The following LHX8 variants were observed in gnomAD, a reference collection of about 807,000 sequenced individuals.
LHX8 encodes LIM/homeobox protein Lhx8.
Under a neutral mutation model 40.3 loss-of-function variants are expected in LHX8, and 12 were observed. That is an observed-to-expected ratio of 0.30 (90% CI 0.19 to 0.48). LHX8 has a LOEUF of 0.48. Ranked by LOEUF, LHX8 falls within the 20% of genes least tolerant of loss-of-function variation. The pLI, the probability that LHX8 is intolerant of heterozygous loss-of-function variation, is 0.99. For missense variants in LHX8, 344 were observed against 433.7 expected (o/e 0.79, Z 1.84); for synonymous variants, 179 against 162.0 (o/e 1.10, Z -0.80).
At position 75,160,820 on chromosome 1, in the gene LHX8, T is replaced by C; in HGVS notation, c.966T>C (p.Ala322=). 6.2e-7 allele frequency: 1 copy of C among 1,609,502 alleles called. No individual in the cohort carries two copies. The highest frequency in any genetic ancestry group is 2.2e-5 in the East Asian group (1 of 44,826). Residue 322 remains alanine, a splice_region_variant and synonymous_variant, in exon 9 of 9, where the codon GCT becomes GCC. Coordinates refer to ENST00000356261, the MANE Select transcript of LHX8 (RefSeq NM_001256114.2). ...MLTALHSYMD[A]HSPTTLGLQP... ...CACAAATTTCTTTCTATTTTGTAGC[T>C]CATTCACCAACAACTCTTGGACTCC...
rs778887914 is a variant in LHX8 at position 75,160,883 on chromosome 1, A to T, written c.1029A>T (p.Ile343=). The change falls in exon 9 of 9, where the codon ATA becomes ATT. Residue 343 remains isoleucine, a synonymous_variant. Transcript: ENST00000356261. ...LLPHSMTQLP[I]SHT is the part of the protein sequence containing the mutation. ...CCCATTCAATGACACAACTGCCAATAAGTCATACCTAATTCTTTTTTCAGG... is the reference window on the plus strand; with the variant it reads ...CCCATTCAATGACACAACTGCCAATTAGTCATACCTAATTCTTTTTTCAGG... 1 of 1,611,080 alleles carries T rather than the reference A, an allele frequency of 6.2e-7. No individual in the cohort carries two copies. Among genetic ancestry groups the T allele is most frequent in the East Asian group, 2.2e-5 (1 of 44,836 alleles).
chr1:75,132,717 A>G (rs1010643687), upstream of LHX8: 1 of 151,624 alleles, frequency 6.6e-6, no homozygotes, highest in African/African-American at 2.4e-5. Flanking sequence ...ATTCTCCTCG[A>G]TAGTAGCCAG....
chr1:75,142,149 T>C (rs1163374161), intron 4 of LHX8, among the ~76,000 whole-genome samples: 1 of 152,116 alleles, frequency 6.6e-6, no homozygotes, highest in Non-Finnish European at 1.5e-5. Context: ...CTTTGAAAGG[T>C]TTGCTTTGAA....
At chr1:75,186,457 G>A in the LHX8 span, among the ~76,000 whole-genome samples, 2 of 152,144 alleles carry the variant, frequency 1.3e-5, no homozygotes, top group African/African-American at 2.4e-5. Context: ...TCCCTATTCA[G>A]TAAATGGTGC....
intron 7 of LHX8, among the ~76,000 whole-genome samples, chr1:75,150,917 C>T (rs925505743): frequency 6.6e-5 from 10 of 151,968 alleles, no homozygotes; most frequent in South Asian, 4.2e-4. Flanking sequence ...CCTTGTGATC[C>T]GCCCGCCTCA....
At chr1:75,185,629 C>T in the LHX8 span, among the ~76,000 whole-genome samples, 1 of 152,170 alleles carries the variant, frequency 6.6e-6, no homozygotes, top group East Asian at 1.9e-4. Context: ...TCTTGAAAAC[C>T]AGTGCAAGAC....
At chr1:75,173,567 A>G in the LHX8 span, among the ~76,000 whole-genome samples, 2 of 151,520 alleles carry the variant, frequency 1.3e-5, no homozygotes, top group African/African-American at 4.8e-5. Context: ...TATTTTTAGT[A>G]GAGACGGGAT....
At chr1:75,178,650 G>A in the LHX8 span, among the ~76,000 whole-genome samples, 2 of 151,918 alleles carry the variant, frequency 1.3e-5, no homozygotes, top group African/African-American at 2.4e-5. Flanking sequence ...TTTTTTGAAG[G>A]GTTTTCTGTG....
At chr1:75,147,016 G>A (rs1213536935) in intron 6 of LHX8, among the ~76,000 whole-genome samples, 2 of 151,972 alleles carry the variant, frequency 1.3e-5, no homozygotes, top group Non-Finnish European at 1.5e-5. Flanking sequence ...GTTCTTTTTG[G>A]GGTTATTACA....
At chr1:75,189,968 G>C in the LHX8 span, among the ~76,000 whole-genome samples, 4 of 152,092 alleles carry the variant, frequency 2.6e-5, no homozygotes, top group Non-Finnish European at 5.9e-5. Context: ...CTTTGCAAAG[G>C]CCTCGTCAAA....
At chr1:75,146,460 T>C (rs1020501356) in intron 6 of LHX8, among the ~76,000 whole-genome samples, 2 of 152,282 alleles carry the variant, frequency 1.3e-5, no homozygotes, top group Middle Eastern at 3.4e-3. Context: ...AGCACTCACT[T>C]AGTGATTATT....
chr1:75,152,866 C>G (rs1473584201), intron 7 of LHX8, among the ~76,000 whole-genome samples: 1 of 152,092 alleles, frequency 6.6e-6, no homozygotes, highest in Non-Finnish European at 1.5e-5. Flanking sequence ...ATTTCTGTTT[C>G]TTATATTATC....
chr1:75,163,257 T>C (rs1648966658), downstream of LHX8, among the ~76,000 whole-genome samples: 1 of 152,178 alleles, frequency 6.6e-6, no homozygotes. Context: ...CTCATGCTTT[T>C]AAAATTTGTT....
At chr1:75,130,521 T>C (rs1370022056), upstream of LHX8, 3 of 659,284 alleles carry the variant, frequency 4.6e-6, no homozygotes, top group African/African-American at 1.8e-5. Context: ...AACCTCAGTC[T>C]TGGCCCACAG....
chr1:75,192,196 A>ATAGT, the LHX8 span, among the ~76,000 whole-genome samples: 1 of 152,220 alleles, frequency 6.6e-6, no homozygotes. Flanking sequence ...GTTAATTAAT[A>ATAGT]TAGTTGTCAT....
intron 7 of LHX8, 31 bp downstream of exon 7, chr1:75,148,713 G>C: frequency 1.4e-6 from 2 of 1,454,294 alleles, no homozygotes; most frequent in South Asian, 1.2e-5. Context: ...TTTTTTTAAG[G>C]TTTTTAAAAA....
At chr1:75,174,091 C>T in the LHX8 span, among the ~76,000 whole-genome samples, 1 of 152,142 alleles carries the variant, frequency 6.6e-6, no homozygotes, top group East Asian at 1.9e-4. Context: ...GGATGTTCAA[C>T]CTGTACTTCC....
At chr1:75,152,180 G>T (rs1648629698) in intron 7 of LHX8, among the ~76,000 whole-genome samples, 1 of 152,150 alleles carries the variant, frequency 6.6e-6, no homozygotes, top group South Asian at 2.1e-4. Flanking sequence ...TAAGAAAAAA[G>T]AGTTTTTATT....
the LHX8 span, among the ~76,000 whole-genome samples, chr1:75,198,113 G>A: frequency 5.9e-5 from 9 of 152,246 alleles, no homozygotes; most frequent in South Asian, 1.2e-3. Flanking sequence ...TTCCTCTTGG[G>A]TACTCCGAAA....
Sources: allele counts gnomAD v4.1 joint callset (sites outside exome capture counted in the v4.1 genomes callset), GRCh38; gene constraint gnomAD v4.1.1; transcripts MANE v1.5; gene names NCBI Gene and HGNC (gene_info 2026-07-23, HGNC 2026-07-21).